The following CDKL5 variants were observed in gnomAD, a reference collection of about 807,000 sequenced individuals.
CDKL5 encodes cyclin dependent kinase like 5, also known as cyclin-dependent kinase-like 5.
In CDKL5, 8 loss-of-function variants were observed where a neutral mutation model predicts 61.7. The observed-to-expected ratio is 0.13, with a 90% CI of 0.08 to 0.23. CDKL5 has a LOEUF of 0.23. CDKL5 is among the 10% of genes least tolerant of loss of function. The pLI is 1.00. For missense variants in CDKL5, 440 were observed against 734.5 expected, an observed-to-expected ratio of 0.60 and a Z score of 4.63; for synonymous variants, 275 against 272.3, an observed-to-expected ratio of 1.01 and a Z score of -0.10.
chrX:18,457,081 G>A (rs1001204070), intron 1 of CDKL5, among the ~76,000 whole-genome samples: 9 of 109,429 alleles, frequency 8.2e-5, no homozygotes, highest in African/African-American at 2.7e-4. Flanking sequence ...CTAGTATATA[G>A]TTTTCTAAGT....
At chrX:18,497,117 C>T (rs1225107164) in intron 1 of CDKL5, among the ~76,000 whole-genome samples, 9 of 110,022 alleles carry the variant, frequency 8.2e-5, no homozygotes, top group South Asian at 4.0e-4. Context: ...CTCAGCCTCC[C>T]GAGTAGCTGG....
At chrX:18,547,670 TGTG>T (rs776056273) in intron 3 of CDKL5, among the ~76,000 whole-genome samples, 4 of 111,646 alleles carry the variant, frequency 3.6e-5, no homozygotes, top group Non-Finnish European at 7.5e-5. Flanking sequence ...GTGCTCAAGG[TGTG>T]GTGTACATTG....
rs779048428 is a variant in CDKL5, at chrX:18,618,435, G to A, written c.2277-1432G>A. Among the ~76,000 whole-genome samples the A allele has an allele frequency of 1.1e-3, 118 of 111,500 alleles. 1 individual carries two copies. Among genetic ancestry groups the A allele is most frequent in the African/African-American group, 3.7e-3 (112 of 30,679 alleles). The stretch of plus-strand genomic sequence containing the variant: ...GAGGCTCCTTTCCATCCAGAGTCAT[G>A]CTTTTGTGATTCCAGAAAACCCCAC... On this transcript the variant is annotated intron_variant, in intron 15 of 17. Coordinates refer to ENST00000623535, the MANE Select transcript of CDKL5 (RefSeq NM_001323289.2).
intron 1 of CDKL5, among the ~76,000 whole-genome samples, chrX:18,483,439 A>G (rs1314480937): frequency 9.1e-6 from 1 of 109,515 alleles, no homozygotes; most frequent in African/African-American, 3.3e-5. Context: ...TTTTTTTGAG[A>G]TGGAGTCTCG....
intron 1 of CDKL5, among the ~76,000 whole-genome samples, chrX:18,443,123 A>C (rs965733781): frequency 9.1e-6 from 1 of 110,373 alleles, no homozygotes. Flanking sequence ...TTCTTCCTTC[A>C]CTCCATTTCT....
intron 1 of CDKL5, among the ~76,000 whole-genome samples, chrX:18,461,986 C>T (rs991336021): frequency 9.0e-6 from 1 of 111,171 alleles, no homozygotes; most frequent in Non-Finnish European, 1.9e-5. Context: ...TTATCCAACC[C>T]GCGGTCTGTG....
chrX:18,454,498 G>A (rs185298064), intron 1 of CDKL5, among the ~76,000 whole-genome samples: 1 of 107,288 alleles, frequency 9.3e-6, no homozygotes, highest in Non-Finnish European at 1.9e-5. Flanking sequence ...GCCTCCCAAA[G>A]TGCTGGGATT....
At chrX:18,603,699 G>A (rs921588255) in intron 11 of CDKL5, among the ~76,000 whole-genome samples, 1 of 112,212 alleles carries the variant, frequency 8.9e-6, no homozygotes, top group Non-Finnish European at 1.9e-5. Context: ...TTTCATCAAG[G>A]CCAGTGCTTT....
chrX:18,565,005 A>G (rs1348460581), intron 4 of CDKL5, among the ~76,000 whole-genome samples: 1 of 111,966 alleles, frequency 8.9e-6, no homozygotes, highest in Non-Finnish European at 1.9e-5. Context: ...TTATATTTAG[A>G]ATAATGCATT....
At position 18,614,554 on chromosome X, in the gene CDKL5, C is replaced by T. The variant is rs369707770; in HGVS notation, c.2276+1279C>T. The stretch of plus-strand genomic sequence containing the variant: ...AAATGAGGCAATGCATTAAAAGCAC[C>T]TAGAATAATGCCTGGCTCCGTAAGC... On this transcript the variant is annotated intron_variant, in intron 15 of 17. Coordinates refer to ENST00000623535, the MANE Select transcript of CDKL5 (RefSeq NM_001323289.2). Among the ~76,000 whole-genome samples the T allele has an allele frequency of 3.9e-4, 44 of 112,045 alleles. 4 individuals are homozygous for T. Among genetic ancestry groups the T allele is most frequent in the East Asian group, 3.1e-3 (11 of 3,546 alleles).
intron 1 of CDKL5, among the ~76,000 whole-genome samples, chrX:18,467,525 A>G (rs893748010): frequency 2.7e-5 from 3 of 111,357 alleles, no homozygotes; most frequent in Non-Finnish European, 5.7e-5. Context: ...TGCTGTCCCT[A>G]TTGAAGTTAA....
At chrX:18,478,447 C>T (rs2147070301) in intron 1 of CDKL5, among the ~76,000 whole-genome samples, 1 of 107,979 alleles carries the variant, frequency 9.3e-6, no homozygotes, top group African/African-American at 3.4e-5. Context: ...TGCACCACCA[C>T]ACCTGGCTAA....
chrX:18,467,059 A>G (rs1469056704), intron 1 of CDKL5, among the ~76,000 whole-genome samples: 4 of 111,796 alleles, frequency 3.6e-5, no homozygotes, highest in Non-Finnish European at 7.5e-5. Context: ...CACATCTGAC[A>G]GTAATAACAG....
rs893196460 is a variant in CDKL5, at chrX:18,554,644, G to T, written c.100-9833G>T. Among the ~76,000 whole-genome samples the T allele has an allele frequency of 7.2e-5, 8 of 110,508 alleles. 1 individual carries two copies. Among genetic ancestry groups the T allele is most frequent in the African/African-American group, 2.6e-4 (8 of 30,404 alleles). Reference sequence around the variant, plus strand: ...TTGGCCAGGCTGGTCTCGAACTCCTGACCTCAGGTGATCCGTCCGCTTCGG... The same window carrying T: ...TTGGCCAGGCTGGTCTCGAACTCCTTACCTCAGGTGATCCGTCCGCTTCGG... On this transcript the variant is annotated intron_variant, in intron 3 of 17. Coordinates refer to ENST00000623535, the MANE Select transcript of CDKL5 (RefSeq NM_001323289.2).
chrX:18,497,088 G>C (rs145201874), intron 1 of CDKL5, among the ~76,000 whole-genome samples: 4 of 109,464 alleles, frequency 3.7e-5, no homozygotes, highest in African/African-American at 1.0e-4. Flanking sequence ...TGCCTCCTGG[G>C]TTCAAGCAAT....
chrX:18,581,470 A>G (rs1186164630), intron 6 of CDKL5, among the ~76,000 whole-genome samples: 1 of 112,108 alleles, frequency 8.9e-6, no homozygotes, highest in Non-Finnish European at 1.9e-5. Flanking sequence ...TTCTCCAGTA[A>G]ATATAATGCT....
downstream of CDKL5, chrX:18,644,770 C>A (rs1927714265): frequency 1.8e-6 from 1 of 542,193 alleles, no homozygotes; most frequent in Non-Finnish European, 3.2e-6. Flanking sequence ...TGAGCCTTGT[C>A]TCCTAGGAAT....
At chrX:18,450,572 C>T (rs1347556881) in intron 1 of CDKL5, among the ~76,000 whole-genome samples, 1 of 111,425 alleles carries the variant, frequency 9.0e-6, no homozygotes, top group South Asian at 3.7e-4. Context: ...TATATAGTTA[C>T]ATTTTGAGGC....
At chrX:18,616,593 C>T (rs1278998982) in intron 15 of CDKL5, among the ~76,000 whole-genome samples, 1 of 107,223 alleles carries the variant, frequency 9.3e-6, no homozygotes, top group Non-Finnish European at 1.9e-5. Context: ...CCATTGCACT[C>T]GAGCCTGGGC....
Sources: allele counts gnomAD v4.1 joint callset (sites outside exome capture counted in the v4.1 genomes callset), GRCh38; gene constraint gnomAD v4.1.1; transcripts MANE v1.5; gene names NCBI Gene and HGNC (gene_info 2026-07-23, HGNC 2026-07-21).